CDKAL1: variants seen among roughly 807,000 people sequenced by gnomAD.
The protein encoded by CDKAL1 is CDKAL1 threonylcarbamoyladenosine tRNA methylthiotransferase.
Under a neutral mutation model 68.2 loss-of-function variants are expected in CDKAL1, and 32 were observed. The observed-to-expected ratio is 0.47, with a 90% CI of 0.35 to 0.63. The LOEUF is 0.63. CDKAL1 is among the 30% of genes least tolerant of loss of function. CDKAL1 has a pLI of 0.00. For synonymous variants in CDKAL1, 234 were observed against 244.3 expected, an observed-to-expected ratio of 0.96 and a Z score of 0.39; for missense variants, 606 against 696.7, an observed-to-expected ratio of 0.87 and a Z score of 1.47.
chr6:20,658,985 GTTATTA>G lies in CDKAL1; in HGVS notation c.371+9620_371+9625del, dbSNP rs532566610. On this transcript the variant is annotated intron_variant, in intron 5 of 15. Transcript: ENST00000274695. ...ATACACCACCACACCCAGCCAATCTGTTATTATTATTATTATTTTTTTTTAGTAGAG... is the reference window on the plus strand; with the variant it reads ...ATACACCACCACACCCAGCCAATCTGTTATTATTATTTTTTTTTAGTAGAG... Among the ~76,000 whole-genome samples the G allele has an allele frequency of 2.2e-3, 339 of 151,602 alleles. 2 individuals carry two copies. The highest frequency in any genetic ancestry group is 0.017 in the South Asian group (83 of 4,800).
Position 20,881,393 on chromosome 6 carries a change from A to T in CDKAL1, c.742+35215A>T, listed in dbSNP as rs1466729667. Among the ~76,000 whole-genome samples the T allele has an allele frequency of 3.3e-5, 5 of 152,214 alleles. No individual in the cohort carries two copies. In the South Asian group the frequency reaches 1.0e-3, roughly 32 times the overall value. On this transcript the variant is annotated intron_variant, in intron 9 of 15. Coordinates refer to ENST00000274695, the MANE Select transcript of CDKAL1 (RefSeq NM_017774.3). ...TCATAGCATATATTTTGTATATGTG[A>T]TATATAAATTGATAAACTTTCATTT...
chr6:20,733,200 T>C (rs918079408), intron 5 of CDKAL1, among the ~76,000 whole-genome samples: 1 of 152,216 alleles, frequency 6.6e-6, no homozygotes, highest in African/African-American at 2.4e-5. Flanking sequence ...ATGATGACTG[T>C]CCCACAGCTA....
intron 9 of CDKAL1, among the ~76,000 whole-genome samples, chr6:20,910,564 C>A (rs950083158): frequency 2.0e-5 from 3 of 152,292 alleles, no homozygotes; most frequent in East Asian, 1.9e-4. Flanking sequence ...GATTAGAGTT[C>A]TCTTGGACTT....
intron 5 of CDKAL1, among the ~76,000 whole-genome samples, chr6:20,715,644 A>G (rs954348592): frequency 6.6e-6 from 1 of 152,154 alleles, no homozygotes; most frequent in Non-Finnish European, 1.5e-5. Context: ...TGTTTTCCAT[A>G]GTGGTTTGTA....
intron 6 of CDKAL1, among the ~76,000 whole-genome samples, chr6:20,743,910 C>A (rs1773560625): frequency 6.6e-6 from 1 of 152,102 alleles, no homozygotes; most frequent in Non-Finnish European, 1.5e-5. Flanking sequence ...TAGCCAAAAT[C>A]TTTTTCACAA....
At chr6:20,899,828 G>A (rs1215281159) in intron 9 of CDKAL1, among the ~76,000 whole-genome samples, 3 of 152,190 alleles carry the variant, frequency 2.0e-5, no homozygotes, top group Non-Finnish European at 4.4e-5. Flanking sequence ...GGGCGACAGA[G>A]CGAAACTCCG....
chr6:20,703,937 ATTTTT>A (rs1260623844), intron 5 of CDKAL1, among the ~76,000 whole-genome samples: 2 of 152,176 alleles, frequency 1.3e-5, no homozygotes, highest in Non-Finnish European at 2.9e-5. Context: ...GAAATAGTGA[ATTTTT>A]ATTTAATGAT....
rs562772405 is a variant in CDKAL1, at chr6:20,594,014, A to T, written c.286+45309A>T. 2.0e-5 allele frequency among the ~76,000 whole-genome samples: 3 copies of T among 152,260 alleles called. No individual in the cohort carries two copies. In the East Asian group the frequency reaches 5.8e-4, roughly 29 times the overall value. On this transcript the variant is annotated intron_variant, in intron 4 of 15. Coordinates refer to ENST00000274695, the MANE Select transcript of CDKAL1 (RefSeq NM_017774.3). ...AGTGAGTTTCTTAATCCTGAGTTCT[A>T]ATTTGATTGCACTGTGGTCTGAGAG... is the stretch of plus-strand genomic sequence containing the variant.
chr6:21,156,245 ACT>A (rs1420188064), intron 13 of CDKAL1, among the ~76,000 whole-genome samples: 2 of 151,756 alleles, frequency 1.3e-5, no homozygotes, highest in East Asian at 1.9e-4. Flanking sequence ...ACATGGTGAA[ACT>A]CTGTCTCTAT....
rs188079822 is a variant in CDKAL1, at chr6:20,672,922, G to A, written c.371+23545G>A. 3.5e-3 allele frequency among the ~76,000 whole-genome samples: 536 copies of A among 152,020 alleles called. 7 individuals are homozygous for A. Among genetic ancestry groups the A allele is most frequent in the African/African-American group, 0.012 (481 of 41,458 alleles). Reference sequence around the variant, plus strand: ...CTCCCGAGTAGCTGGGATTACAGGCGCGAGCTACCATGCCCAGCTAATTTT... The same window carrying A: ...CTCCCGAGTAGCTGGGATTACAGGCACGAGCTACCATGCCCAGCTAATTTT... On this transcript the variant is annotated intron_variant, in intron 5 of 15. Coordinates refer to ENST00000274695, the MANE Select transcript of CDKAL1 (RefSeq NM_017774.3).
In CDKAL1 at chr6:21,213,107, A is replaced by T. The variant is rs143395012; in HGVS notation, c.1548+11833A>T. ...AAGGAATAGAGTAGCCCTTACGCAC[A>T]TCAGGTCAGACCGTGGGTTTGGCAT... On this transcript the variant is annotated intron_variant, in intron 15 of 15. Coordinates refer to ENST00000274695, the MANE Select transcript of CDKAL1 (RefSeq NM_017774.3). Among the ~76,000 whole-genome samples the T allele has an allele frequency of 1.8e-4, 20 of 111,754 alleles. 1 individual carries two copies. The highest frequency in any genetic ancestry group is 3.8e-4 in the Non-Finnish European group (19 of 49,774). 73.3% of individuals were successfully genotyped at this position (111,754 alleles called of 152,430 possible).
chr6:21,152,842 T>C (rs974913489), intron 13 of CDKAL1, among the ~76,000 whole-genome samples: 4 of 152,256 alleles, frequency 2.6e-5, no homozygotes, highest in African/African-American at 9.6e-5. Flanking sequence ...AGCCATGTAC[T>C]ACGCAGATCC....
At chr6:21,127,112 G>A (rs62404505) in intron 13 of CDKAL1, among the ~76,000 whole-genome samples, 15 of 152,282 alleles carry the variant, frequency 9.9e-5, no homozygotes, top group Admixed American at 2.0e-4. Context: ...TTGGGCCAGG[G>A]TGTTAATGTG....
At chr6:20,535,928 C>A (rs1209854175) in intron 2 of CDKAL1, among the ~76,000 whole-genome samples, 1 of 152,050 alleles carries the variant, frequency 6.6e-6, no homozygotes, top group Non-Finnish European at 1.5e-5. Flanking sequence ...TGCTTATCAG[C>A]CATTTGTATG....
At chr6:20,624,562 A>G (rs1010323063) in intron 4 of CDKAL1, among the ~76,000 whole-genome samples, 3 of 152,130 alleles carry the variant, frequency 2.0e-5, no homozygotes, top group South Asian at 4.1e-4. Context: ...GTTCTTAACA[A>G]CTTGCTACCA....
chr6:20,624,683 A>C (rs1767348567), intron 4 of CDKAL1, among the ~76,000 whole-genome samples: 1 of 152,092 alleles, frequency 6.6e-6, no homozygotes, highest in Non-Finnish European at 1.5e-5. Context: ...AGTGGGAAAA[A>C]AAAACTGTGG....
intron 6 of CDKAL1, among the ~76,000 whole-genome samples, chr6:20,753,135 C>CA (rs1448718219): frequency 4.6e-5 from 7 of 150,710 alleles, no homozygotes; most frequent in Admixed American, 2.0e-4. Context: ...TTCATCATTT[C>CA]AAAAAAAACG....
chr6:20,641,090 A>G (rs1768152889), intron 4 of CDKAL1, among the ~76,000 whole-genome samples: 1 of 152,180 alleles, frequency 6.6e-6, no homozygotes, highest in Admixed American at 6.5e-5. Context: ...GTTGGTGACT[A>G]TTATTTTCTT....
At chr6:20,598,331 T>G (rs1470476093) in intron 4 of CDKAL1, among the ~76,000 whole-genome samples, 5 of 152,238 alleles carry the variant, frequency 3.3e-5, no homozygotes, top group African/African-American at 4.8e-5. Context: ...ATATTTACTT[T>G]TGTTAATATT....
Sources: gnomAD v4.1 joint callset for allele counts (sites outside exome capture counted in the v4.1 genomes callset) on GRCh38, gnomAD v4.1.1 for gene constraint, MANE v1.5 for transcripts, NCBI Gene and HGNC (gene_info 2026-07-23, HGNC 2026-07-21) for gene names.